Variants in ITPR1 observed in about 807,000 individuals in gnomAD.
ITPR1 encodes inositol 1,4,5-trisphosphate-gated calcium channel ITPR1.
In ITPR1, 96 loss-of-function variants were observed where a neutral mutation model predicts 318.4. The ratio of observed to expected loss-of-function variants is 0.30; its 90% CI spans 0.26 to 0.36. The LOEUF is 0.36. ITPR1 is among the 10% of genes least tolerant of loss of function. The probability of loss-of-function intolerance (pLI) is 1.00; values close to 1 mark genes in which losing one functional copy is unlikely to be tolerated. For missense variants in ITPR1, 2,440 were observed against 3,460.2 expected (o/e 0.71, Z 7.40); for synonymous variants, 1,312 against 1,289.9 (o/e 1.02, Z -0.37).
Position 4,710,348 on chromosome 3 carries a change from C to T in ITPR1, c.4866C>T (p.Asp1622=). ...AGGACATCGTCTCCGCGCTGGAGGACCGTCTCAGGCCCCTGGTGCAGGCAG... is the reference window on the plus strand; with the variant it reads ...AGGACATCGTCTCCGCGCTGGAGGATCGTCTCAGGCCCCTGGTGCAGGCAG... The part of the protein sequence containing the change: ...RLQDIVSALE[D]RLRPLVQAEL... Residue 1622 remains aspartate (D), a synonymous_variant, in exon 38 of 62, where the codon GAC becomes GAT. Coordinates refer to ENST00000649015, the MANE Select transcript of ITPR1 (RefSeq NM_001378452.1). The surrounding 1 kb of genome is among the most constrained non-coding windows in gnomAD (Gnocchi z 4.2). 6.4e-7 allele frequency: 1 copy of T among 1,566,344 alleles called. No homozygotes were observed. Among genetic ancestry groups the T allele is most frequent in the Non-Finnish European group, 8.7e-7 (1 of 1,153,292 alleles).
intron 4 of ITPR1, among the ~76,000 whole-genome samples, chr3:4,571,562 G>A (rs572441182): frequency 6.6e-6 from 1 of 152,198 alleles, no homozygotes; most frequent in African/African-American, 2.4e-5. Flanking sequence ...TTGAACTCCT[G>A]GGCTCAAGCA....
intron 11 of ITPR1, among the ~76,000 whole-genome samples, chr3:4,653,021 C>T (rs974804799): frequency 1.3e-4 from 20 of 152,188 alleles, no homozygotes; most frequent in South Asian, 4.2e-4. Flanking sequence ...TTTGAGGAGA[C>T]GAAAGACTCA....
chr3:4,820,137 C>T (rs1559954501), intron 60 of ITPR1, among the ~76,000 whole-genome samples: 1 of 152,104 alleles, frequency 6.6e-6, no homozygotes, highest in African/African-American at 2.4e-5. Context: ...ACTGAAAAGT[C>T]CTCAGTTCCC....
chr3:4,594,446 A>G (rs2090634556), intron 4 of ITPR1, among the ~76,000 whole-genome samples: 1 of 152,096 alleles, frequency 6.6e-6, no homozygotes, highest in Admixed American at 6.6e-5. Context: ...CCCAAGATAA[A>G]GATTCGTTTT....
At chr3:4,744,129 C>A (rs542994574) in intron 44 of ITPR1, among the ~76,000 whole-genome samples, 9 of 152,344 alleles carry the variant, frequency 5.9e-5, no homozygotes, top group African/African-American at 2.2e-4. Flanking sequence ...AGCCACCACG[C>A]TGGCTAGGAA....
chr3:4,526,210 G>A (rs1249667310), intron 4 of ITPR1, among the ~76,000 whole-genome samples: 1 of 152,170 alleles, frequency 6.6e-6, no homozygotes, highest in East Asian at 1.9e-4. Context: ...CTTAGTTTCA[G>A]AATAAAAGCT....
chr3:4,660,301 C>G (rs2125188294), intron 13 of ITPR1, among the ~76,000 whole-genome samples: 1 of 152,136 alleles, frequency 6.6e-6, no homozygotes, highest in South Asian at 2.1e-4. Context: ...TTTTCACTTC[C>G]AATATTCATA....
At chr3:4,712,066 A>C (rs190290877) in intron 39 of ITPR1, among the ~76,000 whole-genome samples, 198 bp downstream of exon 39, 5 of 152,244 alleles carry the variant, frequency 3.3e-5, no homozygotes, top group South Asian at 2.1e-4. Flanking sequence ...TTAAAAGTCA[A>C]ATATACTTAG....
intron 39 of ITPR1, among the ~76,000 whole-genome samples, chr3:4,717,129 G>C (rs1172983119): frequency 6.6e-6 from 1 of 152,194 alleles, no homozygotes; most frequent in East Asian, 1.9e-4. Context: ...TGACCTGCGA[G>C]GTCTGATGCC....
intron 37 of ITPR1, among the ~76,000 whole-genome samples, chr3:4,707,614 A>C (rs2094787967): frequency 6.6e-6 from 1 of 152,202 alleles, no homozygotes; most frequent in Non-Finnish European, 1.5e-5. Flanking sequence ...CTAGACCATC[A>C]TTCAGTGAAA....
rs1032799424 is a variant in ITPR1 at position 4,811,474 on chromosome 3, C to G, written c.7468+14C>G. ...CAGCTGTTCCAGGTGGGTTTGGGAT[C>G]TTCTGATCTTTTTAATGCTAAAAGA... On this transcript the variant is annotated intron_variant, in intron 56 of 61. Coordinates refer to ENST00000649015, the MANE Select transcript of ITPR1 (RefSeq NM_001378452.1). 6.3e-7 allele frequency: 1 copy of G among 1,597,536 alleles called. No homozygotes were observed. The highest frequency in any genetic ancestry group is 1.7e-5 in the Admixed American group (1 of 58,708).
chr3:4,688,430 G>A lies in ITPR1; in HGVS notation c.3703-65G>A. 3 of 1,591,520 alleles carry A rather than the reference G, an allele frequency of 1.9e-6. No homozygotes were observed. In the African/African-American group the frequency reaches 4.0e-5, roughly 21 times the overall value. ...GACTCCCACGTTAGCAGGAGGTGTT[G>A]GGTATAGGAGAAGCTGGTCTCCTGG... On this transcript the variant is annotated intron_variant, in intron 30 of 61. Coordinates refer to ENST00000649015, the MANE Select transcript of ITPR1 (RefSeq NM_001378452.1).
chr3:4,615,635 C>G (rs2092358814), intron 4 of ITPR1, among the ~76,000 whole-genome samples: 1 of 152,094 alleles, frequency 6.6e-6, no homozygotes, highest in Non-Finnish European at 1.5e-5. Flanking sequence ...CTTGGCCTCC[C>G]CAAAGTGCTG....
intron 30 of ITPR1, 76 bp from the exon 31 acceptor site, chr3:4,688,419 C>G: frequency 1.9e-6 from 3 of 1,560,760 alleles, no homozygotes; most frequent in South Asian, 2.3e-5. Flanking sequence ...CCCACGTTAG[C>G]AGGAGGTGTT....
Position 4,735,258 on chromosome 3 carries a change from T to C in ITPR1, c.5448T>C (p.Val1816=), listed in dbSNP as rs1200491817. ...ACAAGGAGGGGGCTTCCAATCTAGT[T>C]ATCGACCTCATCATGAACGCATCCA... ...HLDKEGASNL[V]IDLIMNASSD... The change falls in exon 44 of 62, where the codon GTT becomes GTC. Residue 1816 remains valine (V), a synonymous_variant. Transcript: ENST00000649015. 1.2e-6 allele frequency: 2 copies of C among 1,613,800 alleles called. No individual in the cohort carries two copies. The highest frequency in any genetic ancestry group is 2.7e-5 in the African/African-American group (2 of 74,922).
chr3:4,553,321 T>A (rs1388747097), intron 4 of ITPR1, among the ~76,000 whole-genome samples: 1 of 152,162 alleles, frequency 6.6e-6, no homozygotes, highest in African/African-American at 2.4e-5. Context: ...CAGCTATGAT[T>A]TTTTTGACAG....
intron 4 of ITPR1, among the ~76,000 whole-genome samples, chr3:4,568,919 G>A (rs750883900): frequency 6.6e-6 from 1 of 152,130 alleles, no homozygotes; most frequent in Non-Finnish European, 1.5e-5. Context: ...AGCTTTTGGG[G>A]AGGCCTCAGG....
chr3:4,829,332 G>A (rs2050285714), intron 60 of ITPR1, among the ~76,000 whole-genome samples: 1 of 152,084 alleles, frequency 6.6e-6, no homozygotes, highest in Non-Finnish European at 1.5e-5. Flanking sequence ...TGAAATACAG[G>A]GATATTAATA....
At chr3:4,791,972 C>T (rs1424965099) in intron 52 of ITPR1, among the ~76,000 whole-genome samples, 1 of 152,208 alleles carries the variant, frequency 6.6e-6, no homozygotes, top group Non-Finnish European at 1.5e-5. Context: ...GGTCAGAAGT[C>T]TGAAAAGATT....
Sources: gnomAD v4.1 joint callset for allele counts (sites outside exome capture counted in the v4.1 genomes callset) on GRCh38, gnomAD v4.1.1 for gene constraint, Gnocchi (gnomAD v3.1) non-coding constraint, MANE v1.5 for transcripts, NCBI Gene and HGNC (gene_info 2026-07-23, HGNC 2026-07-21) for gene names.